The following SUGCT variants were observed in gnomAD, a reference collection of about 807,000 sequenced individuals.
SUGCT encodes succinyl-CoA:glutarate CoA-transferase.
A neutral mutation model predicts 55.0 loss-of-function variants in SUGCT; 41 were observed. The observed-to-expected ratio is 0.74, with a 90% CI of 0.58 to 0.97. The LOEUF (loss-of-function observed/expected upper bound fraction) is 0.97. Among genes scored for constraint, SUGCT ranks in the 50% least tolerant of loss-of-function variants. SUGCT has a pLI of 0.00. For synonymous variants in SUGCT, 187 were observed against 200.4 expected (o/e 0.93, Z 0.56); for missense variants, 568 against 547.8 (o/e 1.04, Z -0.37).
intron 13 of SUGCT, among the ~76,000 whole-genome samples, chr7:40,781,016 G>T (rs547873421): frequency 5.7e-4 from 87 of 152,196 alleles, no homozygotes; most frequent in African/African-American, 2.0e-3. Context: ...CAGGTATTGG[G>T]TTCCTCATGT....
intron 13 of SUGCT, among the ~76,000 whole-genome samples, chr7:40,858,403 C>CA (rs58628576): frequency 0.054 from 1,869 of 34,626 alleles, 149 homozygotes; most frequent in African/African-American, 0.079. Flanking sequence ...AATTCCATCT[C>CA]AAAAAAAAAA....
chr7:40,328,554 G>C (rs538114841), intron 9 of SUGCT, among the ~76,000 whole-genome samples: 84 of 152,238 alleles, frequency 5.5e-4, no homozygotes, highest in Non-Finnish European at 9.0e-4. Context: ...AAACCAAGTA[G>C]ACAGTTTTCT....
chr7:40,322,015 C>T (rs1036077537), intron 9 of SUGCT, among the ~76,000 whole-genome samples: 1 of 152,066 alleles, frequency 6.6e-6, no homozygotes, highest in Non-Finnish European at 1.5e-5. Context: ...CTATACTGTT[C>T]TCCATAGAAG....
chr7:40,828,444 G>T (rs984010225), intron 13 of SUGCT, among the ~76,000 whole-genome samples: 1 of 151,938 alleles, frequency 6.6e-6, no homozygotes, highest in Non-Finnish European at 1.5e-5. Flanking sequence ...AAAGAGCAGG[G>T]GATGGAGAAA....
At chr7:40,379,554 C>A (rs1784770809) in intron 9 of SUGCT, among the ~76,000 whole-genome samples, 1 of 152,086 alleles carries the variant, frequency 6.6e-6, no homozygotes, top group Non-Finnish European at 1.5e-5. Context: ...GGTCAGTTTT[C>A]TGAACTAAAT....
At chr7:40,847,407 C>CTTTTTTT (rs1338885686) in intron 13 of SUGCT, among the ~76,000 whole-genome samples, 7 of 117,850 alleles carry the variant, frequency 5.9e-5, no homozygotes, top group African/African-American at 2.0e-4. Flanking sequence ...TCTTTTCTTT[C>CTTTTTTT]TTTCTTTTTT....
At chr7:40,378,308 T>C (rs887457483) in intron 9 of SUGCT, among the ~76,000 whole-genome samples, 1 of 152,142 alleles carries the variant, frequency 6.6e-6, no homozygotes, top group Non-Finnish European at 1.5e-5. Context: ...TTTTTCTTCA[T>C]CCTTTTTTCT....
chr7:40,402,953 C>T (rs1009293767), intron 9 of SUGCT, among the ~76,000 whole-genome samples: 1 of 152,290 alleles, frequency 6.6e-6, no homozygotes, highest in South Asian at 2.1e-4. Flanking sequence ...CTGGAAACCT[C>T]GTGTTGCACT....
chr7:40,348,517 T>C (rs1170856931), intron 9 of SUGCT, among the ~76,000 whole-genome samples: 2 of 152,158 alleles, frequency 1.3e-5, no homozygotes, highest in East Asian at 1.9e-4. Flanking sequence ...GATCCATCCA[T>C]GACAGGAGCT....
intron 12 of SUGCT, among the ~76,000 whole-genome samples, chr7:40,699,732 G>C (rs1026536079): frequency 1.3e-5 from 2 of 152,024 alleles, no homozygotes; most frequent in African/African-American, 4.8e-5. Context: ...AGCCGAGCCT[G>C]GTGGTGCACA....
At chr7:40,347,239 A>G (rs1330422712) in intron 9 of SUGCT, among the ~76,000 whole-genome samples, 1 of 152,232 alleles carries the variant, frequency 6.6e-6, no homozygotes, top group Non-Finnish European at 1.5e-5. Flanking sequence ...TTCTTAGAGA[A>G]TACATAGATA....
intron 13 of SUGCT, among the ~76,000 whole-genome samples, chr7:40,791,917 C>T (rs1206477217): frequency 1.3e-5 from 2 of 152,108 alleles, no homozygotes; most frequent in Non-Finnish European, 2.9e-5. Flanking sequence ...CCTTACACAT[C>T]TTATTTCCCT....
chr7:40,792,870 A>G (rs1790381539), intron 13 of SUGCT, among the ~76,000 whole-genome samples: 1 of 151,976 alleles, frequency 6.6e-6, no homozygotes, highest in African/African-American at 2.4e-5. Flanking sequence ...TTGTTCCCAA[A>G]TTTTTCCATG....
At chr7:40,843,775 G>A (rs570574823) in intron 13 of SUGCT, among the ~76,000 whole-genome samples, 8 of 152,170 alleles carry the variant, frequency 5.3e-5, no homozygotes, top group Middle Eastern at 3.4e-3. Flanking sequence ...GAACCCCATC[G>A]CCTATTGTGA....
chr7:40,187,790 G>A (rs1442265750), intron 3 of SUGCT, among the ~76,000 whole-genome samples: 1 of 152,140 alleles, frequency 6.6e-6, no homozygotes, highest in Non-Finnish European at 1.5e-5. Context: ...AAAATTAGTC[G>A]GGCATGGTGG....
At chr7:40,140,984 T>G (rs1787952124) in intron 1 of SUGCT, among the ~76,000 whole-genome samples, 1 of 152,088 alleles carries the variant, frequency 6.6e-6, no homozygotes, top group Non-Finnish European at 1.5e-5. Context: ...GTGCATGGGG[T>G]GTTTTTCCAT....
intron 12 of SUGCT, among the ~76,000 whole-genome samples, chr7:40,621,007 A>G (rs1376651313): frequency 3.9e-5 from 6 of 152,182 alleles, no homozygotes; most frequent in Non-Finnish European, 7.4e-5. Flanking sequence ...GATGTTTTGC[A>G]TTTTGTTGCC....
intron 9 of SUGCT, among the ~76,000 whole-genome samples, chr7:40,439,064 G>GTGTATATATATA (rs1283539157): frequency 0.011 from 290 of 27,170 alleles, 43 homozygotes; most frequent in Admixed American, 0.02. Flanking sequence ...TATATATGGT[G>GTGTATATATATA]TATATATATA....
At chr7:40,675,722 G>A (rs1198237332) in intron 12 of SUGCT, among the ~76,000 whole-genome samples, 1 of 152,158 alleles carries the variant, frequency 6.6e-6, no homozygotes, top group Non-Finnish European at 1.5e-5. Flanking sequence ...TCAGGAACGG[G>A]GAGACATCCA....
Sources: gnomAD v4.1 joint callset for allele counts (sites outside exome capture counted in the v4.1 genomes callset) on GRCh38, gnomAD v4.1.1 for gene constraint, MANE v1.5 for transcripts, NCBI Gene and HGNC (gene_info 2026-07-23, HGNC 2026-07-21) for gene names.